The following PDE7B variants were observed in gnomAD, a reference collection of about 807,000 sequenced individuals.
The protein encoded by PDE7B is 3',5'-cyclic-AMP phosphodiesterase 7B.
A neutral mutation model predicts 56.2 loss-of-function variants in PDE7B; 29 were observed. That is an observed-to-expected ratio of 0.52 (90% CI 0.38 to 0.70). PDE7B has a LOEUF of 0.70. Among genes scored for constraint, PDE7B ranks in the 30% least tolerant of loss-of-function variants. PDE7B has a pLI of 0.00. For missense variants in PDE7B, 490 were observed against 565.0 expected, an observed-to-expected ratio of 0.87 and a Z score of 1.35; for synonymous variants, 197 against 196.9, an observed-to-expected ratio of 1.00 and a Z score of 0.00.
chr6:136,087,102 A>G (rs6922410), intron 2 of PDE7B, among the ~76,000 whole-genome samples: 7,708 of 152,306 alleles, frequency 0.051, 623 homozygotes, highest in African/African-American at 0.17. Flanking sequence ...AAGACAGTAT[A>G]CTGAGGAGAG....
chr6:136,079,872 A>G (rs1217264994), intron 2 of PDE7B, among the ~76,000 whole-genome samples: 1 of 152,062 alleles, frequency 6.6e-6, no homozygotes, highest in African/African-American at 2.4e-5. Flanking sequence ...ACTGAGAATG[A>G]GTGTGAGAGT....
chr6:135,891,364 C>G (rs796115712), intron 1 of PDE7B, among the ~76,000 whole-genome samples: 1 of 152,090 alleles, frequency 6.6e-6, no homozygotes, highest in Non-Finnish European at 1.5e-5. Flanking sequence ...ATCATTAGGG[C>G]TAAAGGAAGA....
At chr6:136,080,441 C>T (rs1176137361) in intron 2 of PDE7B, among the ~76,000 whole-genome samples, 1 of 152,162 alleles carries the variant, frequency 6.6e-6, no homozygotes, top group African/African-American at 2.4e-5. Context: ...GCACGTCTTC[C>T]TCCAGTCCTA....
At chr6:136,026,580 A>G (rs1214758965) in intron 2 of PDE7B, among the ~76,000 whole-genome samples, 1 of 152,230 alleles carries the variant, frequency 6.6e-6, no homozygotes, top group Admixed American at 6.5e-5. Context: ...TGCTTTATAC[A>G]ATATCCCAAC....
At chr6:135,989,768 T>C (rs1046062281) in intron 2 of PDE7B, among the ~76,000 whole-genome samples, 7 of 152,186 alleles carry the variant, frequency 4.6e-5, no homozygotes, top group African/African-American at 1.7e-4. Flanking sequence ...TTATGTTGGT[T>C]TTTCAGGAGT....
chr6:136,056,634 C>T (rs963417614), intron 2 of PDE7B, among the ~76,000 whole-genome samples: 23 of 137,778 alleles, frequency 1.7e-4, no homozygotes, highest in African/African-American at 5.9e-4. Flanking sequence ...TGGGTTCAAT[C>T]GATTCTCCTG....
chr6:136,085,767 G>A (rs193204668), intron 2 of PDE7B, among the ~76,000 whole-genome samples: 57 of 152,282 alleles, frequency 3.7e-4, no homozygotes, highest in African/African-American at 1.3e-3. Flanking sequence ...TTCCAATACC[G>A]GGAAGTTATT....
At position 136,191,665 on chromosome 6, in the gene PDE7B, C is replaced by T; in HGVS notation, c.1178C>T (p.Thr393Met). The T allele has an allele frequency of 6.2e-7, 1 of 1,614,076 alleles. No homozygotes were observed. The highest frequency in any genetic ancestry group is 8.5e-7 in the Non-Finnish European group (1 of 1,179,970). Residue 393 changes from threonine (T) to methionine (M), a missense_variant, in exon 13 of 13, where the codon ACG (threonine) becomes ATG (methionine). Transcript: ENST00000308191. ...CTCTTCCGGGAATGGGCCCATTTCA[C>T]GGGTAACAGCACCCTGTCGGAGAAC... is the stretch of plus-strand genomic sequence containing the variant. ...EPLFREWAHF[T>M]GNSTLSENML... is the part of the protein sequence containing the mutation.
chr6:136,019,534 G>T (rs929455407), intron 2 of PDE7B, among the ~76,000 whole-genome samples: 1 of 152,090 alleles, frequency 6.6e-6, no homozygotes, highest in African/African-American at 2.4e-5. Context: ...ATACTCCATG[G>T]TTTGAAATAT....
At chr6:135,891,440 C>T (rs1169349567) in intron 1 of PDE7B, among the ~76,000 whole-genome samples, 3 of 152,164 alleles carry the variant, frequency 2.0e-5, no homozygotes, top group African/African-American at 7.2e-5. Context: ...TTAAGAATTC[C>T]ATCCACAGGT....
At chr6:136,089,154 G>A (rs1419708086) in intron 2 of PDE7B, among the ~76,000 whole-genome samples, 1 of 152,158 alleles carries the variant, frequency 6.6e-6, no homozygotes, top group Admixed American at 6.5e-5. Flanking sequence ...CTCAGTCCTA[G>A]GAGAACTGTG....
chr6:136,184,519 C>T (rs1779115263), intron 11 of PDE7B, among the ~76,000 whole-genome samples: 2 of 152,136 alleles, frequency 1.3e-5, no homozygotes, highest in South Asian at 4.1e-4. Flanking sequence ...CCACAGTGGG[C>T]AACGTAGAGA....
chr6:136,068,078 CTG>C (rs1274090138), intron 2 of PDE7B, among the ~76,000 whole-genome samples: 1 of 152,200 alleles, frequency 6.6e-6, no homozygotes, highest in African/African-American at 2.4e-5. Flanking sequence ...AGTTAAGACT[CTG>C]TAAAATATTT....
intron 12 of PDE7B, among the ~76,000 whole-genome samples, chr6:136,188,566 A>G (rs1382765672): frequency 6.6e-6 from 1 of 152,230 alleles, no homozygotes; most frequent in East Asian, 1.9e-4. Context: ...CTCCAGCTGG[A>G]AAGAAATTTA....
At chr6:136,134,140 A>G (rs1778169132) in intron 3 of PDE7B, among the ~76,000 whole-genome samples, 1 of 152,116 alleles carries the variant, frequency 6.6e-6, no homozygotes, top group Admixed American at 6.6e-5. Flanking sequence ...GATAGATTGA[A>G]AGGGATGACT....
At chr6:135,986,041 A>G (rs980853494) in intron 2 of PDE7B, among the ~76,000 whole-genome samples, 20 of 152,218 alleles carry the variant, frequency 1.3e-4, no homozygotes, top group African/African-American at 4.8e-4. Flanking sequence ...TGTGTTTTAT[A>G]GAAGGCACTC....
intron 2 of PDE7B, among the ~76,000 whole-genome samples, chr6:135,988,329 C>G (rs1775417617): frequency 6.6e-6 from 1 of 151,854 alleles, no homozygotes; most frequent in Non-Finnish European, 1.5e-5. Flanking sequence ...GTAGAACTTC[C>G]CAGTAAAGAA....
chr6:136,083,491 G>A (rs1051902185), intron 2 of PDE7B, among the ~76,000 whole-genome samples: 3 of 152,152 alleles, frequency 2.0e-5, no homozygotes, highest in Non-Finnish European at 4.4e-5. Flanking sequence ...TAACAGAAGT[G>A]TCTGAAATGG....
At chr6:136,059,557 A>G (rs1028325055) in intron 2 of PDE7B, among the ~76,000 whole-genome samples, 1 of 152,176 alleles carries the variant, frequency 6.6e-6, no homozygotes. Flanking sequence ...GCTCAGAATG[A>G]CAACTTTGGC....
Sources: allele counts gnomAD v4.1 joint callset (sites outside exome capture counted in the v4.1 genomes callset), GRCh38; gene constraint gnomAD v4.1.1; transcripts MANE v1.5; gene names NCBI Gene and HGNC (gene_info 2026-07-23, HGNC 2026-07-21).